TKFC: variants seen among roughly 807,000 people sequenced by gnomAD.
The protein encoded by TKFC is triokinase and FMN cyclase.
TKFC carries 46 observed loss-of-function variants against 61.0 expected under a neutral mutation model. That is an observed-to-expected ratio of 0.75 (90% CI 0.60 to 0.96). The LOEUF (loss-of-function observed/expected upper bound fraction) is 0.96. Among genes scored for constraint, TKFC ranks in the 50% least tolerant of loss-of-function variants. The probability of loss-of-function intolerance (pLI) is 0.00; values close to 1 mark genes in which losing one functional copy is unlikely to be tolerated. For synonymous variants in TKFC, 314 were observed against 330.1 expected (o/e 0.95, Z 0.53); for missense variants, 715 against 777.5 (o/e 0.92, Z 0.96).
chr11:61,334,829 T>A (rs1436012862), intron 2 of TKFC, 98 bp downstream of exon 2: 3 of 1,556,082 alleles, frequency 1.9e-6, no homozygotes, highest in Non-Finnish European at 2.6e-6. Flanking sequence ...GACTGAGAGA[T>A]GCTATTGCCT....
chr11:61,338,388 T>C (rs1856705819), intron 3 of TKFC, among the ~76,000 whole-genome samples: 1 of 152,158 alleles, frequency 6.6e-6, no homozygotes, highest in Admixed American at 6.5e-5. Flanking sequence ...GGTGATTCCA[T>C]GAATCTTCTG....
chr11:61,343,534 C>T lies in TKFC; in HGVS notation c.982+76C>T, dbSNP rs1007881956. 6.2e-5 allele frequency: 84 copies of T among 1,365,136 alleles called. 1 individual carries two copies. The highest frequency in any genetic ancestry group is 5.1e-4 in the South Asian group (43 of 84,946). The allele number at this position is 1,365,136 out of a possible 1,614,324, so 84.6% of individuals were successfully genotyped here. On this transcript the variant is annotated intron_variant, in intron 11 of 17. Transcript: ENST00000394900. ...AGGAGCCAGGGAGACTTGGAGACCC[C>T]GTCAGGGCTGACCGTGACAATCAGG...
rs1857240398 is a variant in TKFC, at chr11:61,348,353, G to A, written c.*1850G>A. On this transcript the variant is annotated 3_prime_UTR_variant, in exon 18 of 18. Coordinates refer to ENST00000394900, the MANE Select transcript of TKFC (RefSeq NM_015533.4). ...ACACATGCCATTCCATGAAGACAGA[G>A]GATCATGTGGATCTTTGGTGCCTTC... The A allele has an allele frequency of 7.5e-6, 4 of 535,086 alleles. No individual in the cohort carries two copies. In the African/African-American group the frequency reaches 7.8e-5, roughly 10 times the overall value. The allele number at this position is 535,086 out of a possible 1,614,324, so 33.1% of individuals were successfully genotyped here. A position where few individuals can be genotyped will look rare whatever the true frequency, so the allele number is the denominator to read the frequency against.
downstream of TKFC, chr11:61,352,920 G>A: frequency 6.2e-7 from 1 of 1,613,062 alleles, no homozygotes; most frequent in Non-Finnish European, 8.5e-7. Flanking sequence ...TGATCACAGG[G>A]TGTATCTTTT....
At position 61,339,191 on chromosome 11, in the gene TKFC, C is replaced by G. The variant is rs747904236; in HGVS notation, c.304+15C>G. ...GGCCGGCACAGGTAAGCCTGGCATG[C>G]AGGAGGGGCTGCGGCAGGGAGGGCA... On this transcript the variant is annotated intron_variant, in intron 4 of 17. Coordinates refer to ENST00000394900, the MANE Select transcript of TKFC (RefSeq NM_015533.4). 1 of 1,612,808 alleles carries G rather than the reference C, an allele frequency of 6.2e-7. No homozygotes were observed. Among genetic ancestry groups the G allele is most frequent in the African/African-American group, 1.3e-5 (1 of 75,040 alleles).
rs746138534 is a variant in TKFC at position 61,339,430 on chromosome 11, C to T, written c.481C>T (p.His161Tyr). 17 of 1,606,160 alleles carry T rather than the reference C, an allele frequency of 1.1e-5. No individual in the cohort carries two copies. Among genetic ancestry groups the T allele is most frequent in the Admixed American group, 1.7e-5 (1 of 59,216 alleles). The change falls in exon 5 of 18, where the codon CAC becomes TAC. Residue 161 changes from histidine to tyrosine, a missense_variant. Physicochemically the swap from His to Tyr is moderately conservative, Grantham distance 83 (BLOSUM62 2). Transcript: ENST00000394900. ...GGGGCTGTGCGGCACGGTGCTTATA[C>T]ACAAGGTGGGCTTCCACCGGGGACG... ...RRGLCGTVLI[H>Y]KVAGALAEAG... is the part of the protein sequence containing the mutation.
downstream of TKFC, chr11:61,351,339 G>A: frequency 1.9e-6 from 1 of 537,304 alleles, no homozygotes; most frequent in South Asian, 3.0e-5. Flanking sequence ...ACCCGGGCTG[G>A]AGTGCAGTGG....
At chr11:61,349,734 A>G, downstream of TKFC, 1 of 680,300 alleles carries the variant, frequency 1.5e-6, no homozygotes, top group African/African-American at 1.8e-5. Flanking sequence ...GCTCCTCAGC[A>G]GAAGCTGCGT....
chr11:61,346,789 GC>G lies in TKFC; in HGVS notation c.*287del. 8.4e-7 allele frequency: 1 copy of G among 1,187,946 alleles called. No homozygotes were observed. The highest frequency in any genetic ancestry group is 1.0e-6 in the Non-Finnish European group (1 of 957,770). The allele number at this position is 1,187,946 out of a possible 1,614,324, so 73.6% of individuals were successfully genotyped here. ...GCCAGCTCTGGGCTTCAGAGATAAG[GC>G]ATTTTCCTTGTGCAGCCTTTACCTG... On this transcript the variant is annotated 3_prime_UTR_variant, in exon 18 of 18. Transcript: ENST00000394900. The surrounding 1 kb of genome is among the most constrained non-coding windows in gnomAD (Gnocchi z 4.1).
intron 1 of TKFC, chr11:61,333,549 T>A (rs1276013158): frequency 6.6e-6 from 1 of 152,390 alleles, no homozygotes; most frequent in Non-Finnish European, 1.5e-5. Flanking sequence ...ACTGTCTCAG[T>A]TCCTCCAGAT....
intron 2 of TKFC, 140 bp downstream of exon 2, chr11:61,334,871 T>C: frequency 4.7e-6 from 6 of 1,264,734 alleles, no homozygotes; most frequent in Admixed American, 2.0e-5. Context: ...GAGAGGGTCA[T>C]CCTCTCTCCC....
downstream of TKFC, chr11:61,349,964 G>C: frequency 4.2e-6 from 2 of 472,746 alleles, no homozygotes; most frequent in Non-Finnish European, 7.8e-6. Context: ...ATCCCTAGGA[G>C]TCTTAAGAGG....
At position 61,347,149 on chromosome 11, in the gene TKFC, T is replaced by A; in HGVS notation, c.*646T>A. 1.0e-6 allele frequency: 1 copy of A among 985,418 alleles called. No individual in the cohort carries two copies. The highest frequency in any genetic ancestry group is 1.2e-6 in the Non-Finnish European group (1 of 829,926). The allele number at this position is 985,418 out of a possible 1,614,324, so 61.0% of individuals were successfully genotyped here. On this transcript the variant is annotated 3_prime_UTR_variant, in exon 18 of 18. Transcript: ENST00000394900. Reference sequence around the variant, plus strand: ...AATGGTAGAGGGGCTTTTCTTAGCATTGAATTAATAATTCAGTGGCTCCTC... The same window carrying A: ...AATGGTAGAGGGGCTTTTCTTAGCAATGAATTAATAATTCAGTGGCTCCTC...
At chr11:61,349,759 C>G (rs182782568), downstream of TKFC, 135 of 658,316 alleles carry the variant, frequency 2.1e-4, no homozygotes, top group Middle Eastern at 1.3e-3. Context: ...CGCCACTCCC[C>G]CTTTCTGCAA....
intron 2 of TKFC, 143 bp downstream of exon 2, chr11:61,334,874 T>C: frequency 7.8e-7 from 1 of 1,280,446 alleles, no homozygotes; most frequent in Non-Finnish European, 1.1e-6. Flanking sequence ...AGGGTCATCC[T>C]CTCTCCCAGG....
Position 61,338,204 on chromosome 11 carries a change from A to G in TKFC, c.193+74A>G, listed in dbSNP as rs1051690573. 5.7e-6 allele frequency: 8 copies of G among 1,394,284 alleles called. No homozygotes were observed. In the African/African-American group the frequency reaches 1.0e-4, roughly 18 times the overall value. 86.4% of individuals were successfully genotyped at this position (1,394,284 alleles called of 1,614,324 possible). A position where few individuals can be genotyped will look rare whatever the true frequency, so the allele number is the denominator to read the frequency against. ...CTCCTGGGGGATCCTTAGTGCTGCC[A>G]TGAAGTGCAGGATGGAGCTCAGCCC... On this transcript the variant is annotated intron_variant, in intron 3 of 17. Transcript: ENST00000394900.
At chr11:61,337,171 A>C (rs1856643136) in intron 2 of TKFC, among the ~76,000 whole-genome samples, 1 of 152,082 alleles carries the variant, frequency 6.6e-6, no homozygotes, top group African/African-American at 2.4e-5. Flanking sequence ...TCCGAGATGG[A>C]GTCTCACTCT....
downstream of TKFC, chr11:61,350,660 G>C (rs920216114): frequency 8.3e-6 from 5 of 603,736 alleles, no homozygotes; most frequent in Admixed American, 1.5e-4. Flanking sequence ...CTAGCCCCCA[G>C]GCTGGTAAAG....
At position 61,334,606 on chromosome 11, in the gene TKFC, A is replaced by T; in HGVS notation, c.-109-14A>T. 1 of 1,293,972 alleles carries T rather than the reference A, an allele frequency of 7.7e-7. No homozygotes were observed. The highest frequency in any genetic ancestry group is 1.1e-6 in the Non-Finnish European group (1 of 903,696). 80.2% of individuals were successfully genotyped at this position (1,293,972 alleles called of 1,614,324 possible). A position where few individuals can be genotyped will look rare whatever the true frequency, so the allele number is the denominator to read the frequency against. On this transcript the variant is annotated splice_polypyrimidine_tract_variant and intron_variant, in intron 1 of 17. Transcript: ENST00000394900. ...AGTTCCTTCCGCAGCTTGTATCGTT[A>T]CCCACTCCTGCAGGTGCTGCTGCTG...
Sources: allele counts gnomAD v4.1 joint callset (sites outside exome capture counted in the v4.1 genomes callset), GRCh38; gene constraint gnomAD v4.1.1; non-coding constraint Gnocchi (gnomAD v3.1); transcripts MANE v1.5; gene names NCBI Gene and HGNC (gene_info 2026-07-23, HGNC 2026-07-21).